Variants in CACNA1E observed in about 807,000 individuals in gnomAD.
CACNA1E encodes the protein voltage-dependent R-type calcium channel subunit alpha-1E.
A neutral mutation model predicts 259.2 loss-of-function variants in CACNA1E; 40 were observed. The ratio of observed to expected loss-of-function variants is 0.15; its 90% CI spans 0.12 to 0.20. The LOEUF (loss-of-function observed/expected upper bound fraction) is 0.20, where lower values mean the gene tolerates loss of function less well. Ranked by LOEUF, CACNA1E falls within the 10% of genes least tolerant of loss-of-function variation. CACNA1E has a pLI of 1.00. For missense variants in CACNA1E, 1,874 were observed against 3,040.1 expected (o/e 0.62, Z 9.02); for synonymous variants, 1,104 against 1,138.5 (o/e 0.97, Z 0.61).
intron 44 of CACNA1E, among the ~76,000 whole-genome samples, chr1:181,793,327 TAGAA>T (rs1661494457): frequency 6.6e-6 from 1 of 152,240 alleles, no homozygotes; most frequent in Non-Finnish European, 1.5e-5. Flanking sequence ...TATCACTTCT[TAGAA>T]AGCGAACTTC....
chr1:181,385,563 T>C (rs1383163923), intron 1 of CACNA1E, among the ~76,000 whole-genome samples: 2 of 152,230 alleles, frequency 1.3e-5, no homozygotes, highest in Non-Finnish European at 2.9e-5. Context: ...TCTAGCATTG[T>C]AAATAGCCAA....
At position 181,656,580 on chromosome 1, in the gene CACNA1E, T is replaced by G. The variant is rs115170334; in HGVS notation, c.1055+5139T>G. The stretch of plus-strand genomic sequence containing the variant: ...AAGTTACAGTACGTGAAGATTAATT[T>G]ATTGAAATAAAAATGTTTTTAATAA... On this transcript the variant is annotated intron_variant, in intron 7 of 47. Transcript: ENST00000367573. Among the ~76,000 whole-genome samples, 412 of 152,320 alleles carry G rather than the reference T, an allele frequency of 2.7e-3. 3 individuals carry two copies. The highest frequency in any genetic ancestry group is 9.4e-3 in the African/African-American group (391 of 41,570).
chr1:181,592,954 C>T (rs1460789091), intron 6 of CACNA1E, among the ~76,000 whole-genome samples: 2 of 152,130 alleles, frequency 1.3e-5, no homozygotes, highest in Non-Finnish European at 2.9e-5. Flanking sequence ...GGAACAGTCA[C>T]TTGATCCCCT....
chr1:181,466,673 T>C (rs1662180964), intron 2 of CACNA1E, among the ~76,000 whole-genome samples: 1 of 152,212 alleles, frequency 6.6e-6, no homozygotes, highest in African/African-American at 2.4e-5. Flanking sequence ...CAATTTCAAT[T>C]CACACGCTTC....
At chr1:181,325,773 C>T (rs907150099) in intron 1 of CACNA1E, among the ~76,000 whole-genome samples, 3 of 152,022 alleles carry the variant, frequency 2.0e-5, no homozygotes, top group Non-Finnish European at 4.4e-5. Flanking sequence ...CACCACTGTC[C>T]ATCCGGAATT....
intron 1 of CACNA1E, among the ~76,000 whole-genome samples, chr1:181,509,061 T>A (rs147450790): frequency 1.3e-5 from 2 of 152,102 alleles, no homozygotes; most frequent in Non-Finnish European, 2.9e-5. Flanking sequence ...AGTGTGACTC[T>A]CCAGTGTGAC....
chr1:181,596,320 C>T (rs1406172768), intron 6 of CACNA1E, among the ~76,000 whole-genome samples: 1 of 152,146 alleles, frequency 6.6e-6, no homozygotes, highest in Admixed American at 6.5e-5. Context: ...AAGGCACAGC[C>T]TAGGAGTGCA....
At chr1:181,340,647 A>G (rs904354336) in intron 1 of CACNA1E, among the ~76,000 whole-genome samples, 1 of 152,098 alleles carries the variant, frequency 6.6e-6, no homozygotes, top group Non-Finnish European at 1.5e-5. Flanking sequence ...TATTAAATTC[A>G]TTCCTAGGGT....
chr1:181,374,891 T>TA (rs1053090283), intron 1 of CACNA1E, among the ~76,000 whole-genome samples: 3 of 152,162 alleles, frequency 2.0e-5, no homozygotes. Context: ...TTAAAAAAGG[T>TA]AAAACCTTTT....
In CACNA1E at chr1:181,776,269, A is replaced by G; in HGVS notation, c.5267+41A>G. Reference sequence around the variant, plus strand: ...GGCCGCCCCAGCGGGGCCCAGAGCAAAGGTCTCTGGAGTTCCCAGGGAAGA... The same window carrying G: ...GGCCGCCCCAGCGGGGCCCAGAGCAGAGGTCTCTGGAGTTCCCAGGGAAGA... On this transcript the variant is annotated intron_variant, in intron 38 of 47. Transcript: ENST00000367573. The surrounding 1 kb of genome is among the most constrained non-coding windows in gnomAD (Gnocchi z 4.4). 6.2e-7 allele frequency: 1 copy of G among 1,608,836 alleles called. No homozygotes were observed. Among genetic ancestry groups the G allele is most frequent in the South Asian group, 1.1e-5 (1 of 90,974 alleles).
At chr1:181,577,934 G>C in intron 4 of CACNA1E, 65 bp downstream of exon 4, 1 of 1,060,268 alleles carries the variant, frequency 9.4e-7, no homozygotes, top group Non-Finnish European at 1.4e-6. Context: ...GCTGGATCCA[G>C]GTCTAAGGGA....
intron 1 of CACNA1E, among the ~76,000 whole-genome samples, chr1:181,352,140 C>T (rs1653087281): frequency 6.6e-6 from 1 of 152,248 alleles, no homozygotes; most frequent in Admixed American, 6.5e-5. Flanking sequence ...TTTAATTTTT[C>T]ATAACATCTT....
intron 38 of CACNA1E, among the ~76,000 whole-genome samples, chr1:181,780,290 T>C (rs899724565): frequency 2.6e-5 from 4 of 152,136 alleles, no homozygotes; most frequent in African/African-American, 9.7e-5. Context: ...AATTTCCAAG[T>C]CACTTCTTGT....
At chr1:181,563,881 A>G (rs772262260) in intron 3 of CACNA1E, among the ~76,000 whole-genome samples, 11 of 152,236 alleles carry the variant, frequency 7.2e-5, no homozygotes, top group Non-Finnish European at 1.2e-4. Flanking sequence ...TCCAGTGCAT[A>G]TAAGAGTTAT....
intron 6 of CACNA1E, among the ~76,000 whole-genome samples, chr1:181,609,998 TC>T (rs1449750403): frequency 6.6e-6 from 1 of 152,220 alleles, no homozygotes; most frequent in Non-Finnish European, 1.5e-5. Context: ...CCATCCCATG[TC>T]TTGTTATCCA....
chr1:181,717,575 G>A (rs1460271009), intron 11 of CACNA1E, among the ~76,000 whole-genome samples: 1 of 152,050 alleles, frequency 6.6e-6, no homozygotes, highest in Non-Finnish European at 1.5e-5. Flanking sequence ...CCTTTCTTAA[G>A]GAGGCTCAAT....
intron 6 of CACNA1E, among the ~76,000 whole-genome samples, chr1:181,600,419 A>T (rs1653624471): frequency 6.6e-6 from 1 of 152,230 alleles, no homozygotes; most frequent in South Asian, 2.1e-4. Flanking sequence ...TACCTGCTGT[A>T]TGGAGAACTG....
intron 6 of CACNA1E, among the ~76,000 whole-genome samples, chr1:181,583,289 A>G (rs1196817593): frequency 6.6e-6 from 1 of 152,176 alleles, no homozygotes; most frequent in African/African-American, 2.4e-5. Flanking sequence ...ACCACCAATA[A>G]GATACAAATA....
chr1:181,478,918 A>C (rs1571965019), upstream of CACNA1E, among the ~76,000 whole-genome samples: 2 of 152,228 alleles, frequency 1.3e-5, no homozygotes, highest in African/African-American at 4.8e-5. Flanking sequence ...AAGAGGCTGG[A>C]GGGACTACCT....
Sources: gnomAD v4.1 joint callset for allele counts (sites outside exome capture counted in the v4.1 genomes callset) on GRCh38, gnomAD v4.1.1 for gene constraint, Gnocchi (gnomAD v3.1) non-coding constraint, MANE v1.5 for transcripts, NCBI Gene and HGNC (gene_info 2026-07-23, HGNC 2026-07-21) for gene names.